Variants in FIGN observed in about 807,000 individuals in gnomAD.
FIGN encodes the protein fidgetin.
A neutral mutation model predicts 51.3 loss-of-function variants in FIGN; 11 were observed. The observed-to-expected ratio is 0.21, with a 90% CI of 0.13 to 0.35. FIGN has a LOEUF of 0.35. Among genes scored for constraint, FIGN ranks in the 10% least tolerant of loss-of-function variants. The pLI is 1.00. For missense variants in FIGN, 857 were observed against 943.6 expected (o/e 0.91, Z 1.20); for synonymous variants, 407 against 363.2 (o/e 1.12, Z -1.37).
Position 163,608,837 on chromosome 2 carries a change from TA to T in FIGN, c.*714del, listed in dbSNP as rs1027738574. ...GGTAAACATACATTTTAATATAAAG[TA>T]ACATTGAAGCCTATCCTATTACTCT... On this transcript the variant is annotated 3_prime_UTR_variant, in exon 3 of 3. Transcript: ENST00000333129. 1 of 152,758 alleles carries T rather than the reference TA, an allele frequency of 6.5e-6. No individual in the cohort carries two copies. Among genetic ancestry groups the T allele is most frequent in the African/African-American group, 2.4e-5 (1 of 41,582 alleles). 9.5% of individuals were successfully genotyped at this position (152,758 alleles called of 1,614,324 possible). A position where few individuals can be genotyped will look rare whatever the true frequency, so the allele number is the denominator to read the frequency against.
rs138586570 is a variant in FIGN, at chr2:163,661,437, C to T, written c.26-49631G>A. Among the ~76,000 whole-genome samples, 230 of 151,858 alleles carry T rather than the reference C, an allele frequency of 1.5e-3. 1 individual carries two copies. Among genetic ancestry groups the T allele is most frequent in the Non-Finnish European group, 2.4e-3 (164 of 67,962 alleles). ...TGTAGATGGAGTTTCGCTCTCATCA[C>T]CCAGGCTGGAGTACAATGGTGTGAT... On this transcript the variant is annotated intron_variant, in intron 2 of 2. Transcript: ENST00000333129.
chr2:163,663,313 A>G (rs1165005489), intron 2 of FIGN, among the ~76,000 whole-genome samples: 1 of 150,870 alleles, frequency 6.6e-6, no homozygotes, highest in East Asian at 2.0e-4. Context: ...TGAATTGTAG[A>G]TGTCAGGTTG....
intron 2 of FIGN, among the ~76,000 whole-genome samples, chr2:163,674,324 G>C (rs760041870): frequency 6.6e-6 from 1 of 152,082 alleles, no homozygotes; most frequent in Non-Finnish European, 1.5e-5. Context: ...AATGAATTAC[G>C]CTTTTCTAAT....
intron 2 of FIGN, among the ~76,000 whole-genome samples, chr2:163,642,572 A>T (rs1282314732): frequency 6.6e-6 from 1 of 152,142 alleles, no homozygotes; most frequent in Admixed American, 6.6e-5. Context: ...CCTATAAAAC[A>T]CTGTGGACTC....
chr2:163,620,313 C>T (rs370230208), intron 2 of FIGN, among the ~76,000 whole-genome samples: 18 of 152,098 alleles, frequency 1.2e-4, no homozygotes, highest in Admixed American at 3.3e-4. Context: ...ATACATTTTT[C>T]AATCCATTAA....
intron 2 of FIGN, among the ~76,000 whole-genome samples, chr2:163,722,626 T>C (rs1443931099): frequency 6.6e-6 from 1 of 152,194 alleles, no homozygotes; most frequent in Non-Finnish European, 1.5e-5. Context: ...TTATGTTTTA[T>C]AAGATTTTAA....
At chr2:163,719,158 T>C (rs1281954645) in intron 2 of FIGN, among the ~76,000 whole-genome samples, 1 of 152,176 alleles carries the variant, frequency 6.6e-6, no homozygotes, top group Non-Finnish European at 1.5e-5. Flanking sequence ...AAAACCACGA[T>C]TCCGATCTGA....
intron 2 of FIGN, among the ~76,000 whole-genome samples, chr2:163,630,716 T>C (rs1320460200): frequency 2.6e-5 from 4 of 152,060 alleles, no homozygotes; most frequent in African/African-American, 7.2e-5. Context: ...ACTAAAATAT[T>C]TAATAAGACT....
At chr2:163,734,219 G>A (rs1162813075) in intron 2 of FIGN, among the ~76,000 whole-genome samples, 2 of 151,898 alleles carry the variant, frequency 1.3e-5, no homozygotes, top group Non-Finnish European at 1.5e-5. Flanking sequence ...GCGCTGACAG[G>A]CAGACGAGTG....
intron 2 of FIGN, among the ~76,000 whole-genome samples, chr2:163,719,760 A>C (rs1684725300): frequency 6.6e-6 from 1 of 152,210 alleles, no homozygotes; most frequent in Non-Finnish European, 1.5e-5. Flanking sequence ...AAAAACGAAG[A>C]ATCACTTTGA....
At chr2:163,712,403 G>GC (rs2105357393) in intron 2 of FIGN, among the ~76,000 whole-genome samples, 1 of 152,222 alleles carries the variant, frequency 6.6e-6, no homozygotes, top group South Asian at 2.1e-4. Flanking sequence ...AGAAACACCA[G>GC]CAAAACCCTG....
At chr2:163,686,660 A>T (rs72870510) in intron 2 of FIGN, among the ~76,000 whole-genome samples, 29,473 of 151,788 alleles carry the variant, frequency 0.19, 3,161 homozygotes, top group East Asian at 0.39. Flanking sequence ...TATCAATTTT[A>T]TTGAATCAAT....
chr2:163,655,347 A>AAGAT lies in FIGN; in HGVS notation c.26-43545_26-43542dup, dbSNP rs1266236206. Among the ~76,000 whole-genome samples, 11 of 152,330 alleles carry AAGAT rather than the reference A, an allele frequency of 7.2e-5. No individual in the cohort carries two copies. The Middle Eastern group carries it at 0.01, about 141-fold the overall frequency. On this transcript the variant is annotated intron_variant, in intron 2 of 2. Transcript: ENST00000333129. Reference sequence around the variant, plus strand: ...CAAGGACCTCAGAGTCCAATGGGACAAGATCACAAATAATTCTCAAACGAT... The same window carrying AAGAT: ...CAAGGACCTCAGAGTCCAATGGGACAAGATAGATCACAAATAATTCTCAAACGAT...
At chr2:163,725,445 T>A (rs913237993) in intron 2 of FIGN, among the ~76,000 whole-genome samples, 17 of 152,148 alleles carry the variant, frequency 1.1e-4, no homozygotes, top group African/African-American at 2.9e-4. Context: ...ACAATTTTTT[T>A]AAAAATTATG....
rs189558029 is a variant in FIGN, at chr2:163,734,789, G to A, written c.25+114C>T. ...TTAAACATATATTTTTTAAAAAAAG[G>A]AATTCTATATCATGAGCAACTGCTT... On this transcript the variant is annotated intron_variant, in intron 2 of 2. Coordinates refer to ENST00000333129, the MANE Select transcript of FIGN (RefSeq NM_018086.4). 1.1e-4 allele frequency: 95 copies of A among 901,888 alleles called. No individual in the cohort carries two copies. In the African/African-American group the frequency reaches 1.5e-3, roughly 14 times the overall value. The allele number at this position is 901,888 out of a possible 1,614,324, so 55.9% of individuals were successfully genotyped here. A position where few individuals can be genotyped will look rare whatever the true frequency, so the allele number is the denominator to read the frequency against.
intron 2 of FIGN, among the ~76,000 whole-genome samples, chr2:163,655,734 G>C (rs1452427702): frequency 6.6e-6 from 1 of 151,402 alleles, no homozygotes; most frequent in African/African-American, 2.4e-5. Context: ...TGATTATAAA[G>C]TCTAATATAA....
At chr2:163,678,459 G>T (rs1684008438) in intron 2 of FIGN, among the ~76,000 whole-genome samples, 1 of 152,060 alleles carries the variant, frequency 6.6e-6, no homozygotes, top group Non-Finnish European at 1.5e-5. Flanking sequence ...GACCTCAAGT[G>T]ATCTGCCCAC....
chr2:163,700,683 A>G (rs575121394), intron 2 of FIGN, among the ~76,000 whole-genome samples: 1 of 152,156 alleles, frequency 6.6e-6, no homozygotes, highest in Non-Finnish European at 1.5e-5. Flanking sequence ...GAAATGGAAC[A>G]CTGTGGTATG....
intron 2 of FIGN, among the ~76,000 whole-genome samples, chr2:163,653,450 G>C (rs955911520): frequency 6.6e-6 from 1 of 151,914 alleles, no homozygotes; most frequent in Non-Finnish European, 1.5e-5. Context: ...AAGTATTTTG[G>C]ATAACAAATT....
Sources: allele counts gnomAD v4.1 joint callset (sites outside exome capture counted in the v4.1 genomes callset), GRCh38; gene constraint gnomAD v4.1.1; transcripts MANE v1.5; gene names NCBI Gene and HGNC (gene_info 2026-07-23, HGNC 2026-07-21).